Variants in TBC1D8 observed in about 807,000 individuals in gnomAD.
The protein encoded by TBC1D8 is BUB2-like protein 1.
In TBC1D8, 65 loss-of-function variants were observed where a neutral mutation model predicts 118.8. The observed-to-expected ratio is 0.55, with a 90% confidence interval of 0.45 to 0.67. TBC1D8 has a LOEUF of 0.67. Ranked by LOEUF, TBC1D8 falls within the 30% of genes least tolerant of loss-of-function variation. The pLI, the probability that TBC1D8 is intolerant of heterozygous loss-of-function variation, is 0.00. For synonymous variants in TBC1D8, 566 were observed against 595.8 expected, an observed-to-expected ratio of 0.95 and a Z score of 0.73; for missense variants, 1,376 against 1,471.2, an observed-to-expected ratio of 0.94 and a Z score of 1.06.
In TBC1D8 at chr2:101,016,932, G is replaced by C. The variant is rs150015836; in HGVS notation, c.2827+4749C>G. ...CACTCTGGGGACTGGTGTGGGGTTG[G>C]GGGGATGGGGGAGGGATAGCATTAG... On this transcript the variant is annotated intron_variant, in intron 17 of 19. Transcript: ENST00000409318. Among the ~76,000 whole-genome samples the C allele has an allele frequency of 3.1e-3, 467 of 152,160 alleles. 4 individuals are homozygous for C. Among genetic ancestry groups the C allele is most frequent in the African/African-American group, 0.011 (449 of 41,498 alleles).
At chr2:101,024,744 G>T (rs1399791670) in intron 15 of TBC1D8, among the ~76,000 whole-genome samples, 1 of 152,102 alleles carries the variant, frequency 6.6e-6, no homozygotes, top group Non-Finnish European at 1.5e-5. Context: ...AGCTTTAGCA[G>T]TATTGACTAA....
intron 8 of TBC1D8, 81 bp downstream of exon 8, chr2:101,037,451 T>C (rs1022838586): frequency 2.6e-6 from 4 of 1,547,070 alleles, no homozygotes; most frequent in East Asian, 4.5e-5. Flanking sequence ...CCACGTTCCA[T>C]GGTGACTCAG....
chr2:101,035,467 C>T (rs1157767800), intron 9 of TBC1D8, among the ~76,000 whole-genome samples: 1 of 152,114 alleles, frequency 6.6e-6, no homozygotes, highest in Non-Finnish European at 1.5e-5. Context: ...CAGTGAGAGG[C>T]CCCGGGGCTC....
chr2:101,054,662 C>CTTTTTTT (rs1682290047), intron 3 of TBC1D8, among the ~76,000 whole-genome samples: 1 of 37,842 alleles, frequency 2.6e-5, no homozygotes, highest in African/African-American at 1.1e-4. Flanking sequence ...CAATCATTTT[C>CTTTTTTT]TTTTCTTTTC....
intron 1 of TBC1D8, among the ~76,000 whole-genome samples, chr2:101,143,936 T>C (rs1305343690): frequency 1.3e-5 from 2 of 152,254 alleles, no homozygotes; most frequent in African/African-American, 4.8e-5. Context: ...AGTGCTGGTA[T>C]AAGACAGTTA....
chr2:101,142,813 G>A (rs559123271), intron 1 of TBC1D8, among the ~76,000 whole-genome samples: 6 of 152,228 alleles, frequency 3.9e-5, no homozygotes, highest in African/African-American at 1.4e-4. Context: ...AGTGGTGCCT[G>A]CAAGGAAGGG....
At chr2:101,019,205 T>G in intron 17 of TBC1D8, 2 of 773,912 alleles carry the variant, frequency 2.6e-6, no homozygotes, top group Non-Finnish European at 4.0e-6. Context: ...AACAAGGTAC[T>G]GATGTCTTCT....
chr2:101,010,887 A>G, intron 19 of TBC1D8, 42 bp downstream of exon 19: 1 of 1,567,864 alleles, frequency 6.4e-7, no homozygotes. Context: ...ATCTCAAAAA[A>G]AAAAAAAAAA....
chr2:101,147,137 G>A (rs188638281), intron 1 of TBC1D8, among the ~76,000 whole-genome samples: 2 of 152,300 alleles, frequency 1.3e-5, no homozygotes, highest in Non-Finnish European at 2.9e-5. Context: ...CCATGTTGTC[G>A]CAAATGATAG....
At chr2:101,058,407 A>C (rs548471251) in intron 3 of TBC1D8, among the ~76,000 whole-genome samples, 2 of 152,318 alleles carry the variant, frequency 1.3e-5, no homozygotes, top group Admixed American at 1.3e-4. Context: ...AACAAAATCG[A>C]AGGGCTAGGA....
chr2:101,053,992 A>G, intron 4 of TBC1D8, 116 bp downstream of exon 4: 2 of 905,892 alleles, frequency 2.2e-6, no homozygotes, highest in Non-Finnish European at 3.3e-6. Flanking sequence ...ACCTGGTGTC[A>G]TCTCCACCAT....
intron 1 of TBC1D8, among the ~76,000 whole-genome samples, chr2:101,121,840 C>T (rs1003253518): frequency 3.3e-5 from 5 of 152,166 alleles, no homozygotes; most frequent in Non-Finnish European, 5.9e-5. Flanking sequence ...CCAAGGCAGG[C>T]GGATCACCTG....
intron 2 of TBC1D8, among the ~76,000 whole-genome samples, chr2:101,080,716 G>A (rs1675206750): frequency 6.6e-6 from 1 of 152,026 alleles, no homozygotes; most frequent in African/African-American, 2.4e-5. Flanking sequence ...AATATTGAGA[G>A]GAACAAATAA....
At chr2:101,105,531 G>C (rs570408777) in intron 1 of TBC1D8, among the ~76,000 whole-genome samples, 1 of 150,152 alleles carries the variant, frequency 6.7e-6, no homozygotes, top group South Asian at 2.1e-4. Flanking sequence ...AGAGGTTGCA[G>C]TGAGCTAAGA....
intron 2 of TBC1D8, among the ~76,000 whole-genome samples, chr2:101,086,126 A>G (rs1675605594): frequency 6.8e-6 from 1 of 147,470 alleles, no homozygotes. Context: ...TGTGCAACAG[A>G]GCGAGACTCT....
At chr2:101,022,620 A>AC in intron 15 of TBC1D8, 99 bp from the exon 16 acceptor site, 1 of 1,458,150 alleles carries the variant, frequency 6.9e-7, no homozygotes, top group South Asian at 1.5e-5. Flanking sequence ...CAATCTCACC[A>AC]CTCTAACTGG....
chr2:101,099,423 T>A (rs1243583660), intron 1 of TBC1D8, among the ~76,000 whole-genome samples: 1 of 152,160 alleles, frequency 6.6e-6, no homozygotes, highest in Non-Finnish European at 1.5e-5. Context: ...CTGAATTCTA[T>A]CAGAAATACA....
intron 1 of TBC1D8, among the ~76,000 whole-genome samples, chr2:101,111,751 G>C (rs1677601157): frequency 6.6e-6 from 1 of 152,294 alleles, no homozygotes; most frequent in Middle Eastern, 3.4e-3. Flanking sequence ...CTCAAAACCT[G>C]AAAATTCTTT....
intron 5 of TBC1D8, among the ~76,000 whole-genome samples, chr2:101,044,863 C>T (rs1385143535): frequency 2.0e-5 from 3 of 152,216 alleles, no homozygotes; most frequent in Non-Finnish European, 4.4e-5. Flanking sequence ...ATTCTCTTGT[C>T]TCAGCCTCCT....
Sources: gnomAD v4.1 joint callset for allele counts (sites outside exome capture counted in the v4.1 genomes callset) on GRCh38, gnomAD v4.1.1 for gene constraint, MANE v1.5 for transcripts, NCBI Gene and HGNC (gene_info 2026-07-23, HGNC 2026-07-21) for gene names.